Variants in TSGA10 observed in about 807,000 individuals in gnomAD.
TSGA10 encodes the protein testis specific 10, also known as testis-specific gene 10 protein.
Under a neutral mutation model 96.6 loss-of-function variants are expected in TSGA10, and 43 were observed. That is an observed-to-expected ratio of 0.44 (90% confidence interval 0.35 to 0.57). TSGA10 has a LOEUF of 0.57. Among genes scored for constraint, TSGA10 ranks in the 20% least tolerant of loss-of-function variants. The probability of loss-of-function intolerance (pLI) is 0.01; values close to 1 mark genes in which losing one functional copy is unlikely to be tolerated. For synonymous variants in TSGA10, 229 were observed against 269.9 expected, an observed-to-expected ratio of 0.85 and a Z score of 1.48; for missense variants, 703 against 834.4, an observed-to-expected ratio of 0.84 and a Z score of 1.94.
At chr2:99,025,498 G>T (rs539901445) in intron 17 of TSGA10, among the ~76,000 whole-genome samples, 4 of 152,106 alleles carry the variant, frequency 2.6e-5, no homozygotes, top group African/African-American at 9.6e-5. Flanking sequence ...TAGTAATTTG[G>T]CTCTGTCACT....
intron 20 of TSGA10, among the ~76,000 whole-genome samples, chr2:99,005,370 C>A (rs1037964771): frequency 7.9e-5 from 12 of 152,176 alleles, no homozygotes; most frequent in African/African-American, 2.9e-4. Flanking sequence ...TTGCAGAAGA[C>A]ATGATTGTAT....
intron 20 of TSGA10, among the ~76,000 whole-genome samples, chr2:99,009,941 T>C (rs2078865450): frequency 6.6e-6 from 1 of 152,206 alleles, no homozygotes; most frequent in African/African-American, 2.4e-5. Context: ...TTTTAAATAG[T>C]GAGTATGGGT....
intron 13 of TSGA10, 25 bp from the exon 14 acceptor site, chr2:99,071,899 TAAG>T: frequency 1.3e-6 from 2 of 1,578,092 alleles, no homozygotes; most frequent in Non-Finnish European, 1.7e-6. Flanking sequence ...AAAGAGTACA[TAAG>T]AAGAGACATT....
intron 17 of TSGA10, among the ~76,000 whole-genome samples, chr2:99,020,974 A>G (rs1356466905): frequency 2.0e-5 from 3 of 149,556 alleles, no homozygotes; most frequent in Non-Finnish European, 4.4e-5. Context: ...ATATAATTAT[A>G]ATTAATATAA....
chr2:99,020,695 T>C (rs2079913810), intron 17 of TSGA10, among the ~76,000 whole-genome samples: 1 of 152,106 alleles, frequency 6.6e-6, no homozygotes, highest in African/African-American at 2.4e-5. Flanking sequence ...ATCAGAAAAT[T>C]CATTAATTTA....
chr2:99,006,586 C>T (rs905735875), intron 20 of TSGA10, among the ~76,000 whole-genome samples: 28 of 152,240 alleles, frequency 1.8e-4, no homozygotes, highest in Middle Eastern at 3.4e-3. Context: ...AAATCAAAAC[C>T]ACAATGAGAT....
At chr2:99,008,554 G>A (rs139304668) in intron 20 of TSGA10, among the ~76,000 whole-genome samples, 1,731 of 152,304 alleles carry the variant, frequency 0.011, 25 homozygotes, top group African/African-American at 0.028. Context: ...TATTAGTGAC[G>A]CTGTGGGGAA....
rs1399829698 is a variant in TSGA10, at chr2:98,998,042, A to G, written c.*155T>C. 1 of 689,372 alleles carries G rather than the reference A, an allele frequency of 1.5e-6. No homozygotes were observed. Among genetic ancestry groups the G allele is most frequent in the Middle Eastern group, 3.9e-4 (1 of 2,572 alleles). The allele number at this position is 689,372 out of a possible 1,614,324, so 42.7% of individuals were successfully genotyped here. ...ATAAGTCATCTCAGATCACTGCAAC[A>G]TGGCACATTAGAACAGAGATTCAGA... On this transcript the variant is annotated 3_prime_UTR_variant, in exon 21 of 21. Coordinates refer to ENST00000393483, the MANE Select transcript of TSGA10 (RefSeq NM_025244.4).
At chr2:99,002,023 A>G (rs1477899637) in intron 20 of TSGA10, among the ~76,000 whole-genome samples, 1 of 152,218 alleles carries the variant, frequency 6.6e-6, no homozygotes, top group Non-Finnish European at 1.5e-5. Context: ...GTGTACCTGA[A>G]AGTGACGGGG....
chr2:99,034,105 G>T (rs1429428368), intron 17 of TSGA10, among the ~76,000 whole-genome samples: 1 of 152,146 alleles, frequency 6.6e-6, no homozygotes, highest in African/African-American at 2.4e-5. Context: ...GCTAGAAGAG[G>T]ATCAACTGCT....
intron 10 of TSGA10, among the ~76,000 whole-genome samples, chr2:99,084,137 T>C (rs896727518): frequency 6.6e-6 from 1 of 152,212 alleles, no homozygotes; most frequent in African/African-American, 2.4e-5. Context: ...ATTATGCCAA[T>C]TAAATTAAAA....
intron 1 of TSGA10, among the ~76,000 whole-genome samples, chr2:99,154,001 C>T (rs536673854): frequency 6.6e-6 from 1 of 152,334 alleles, no homozygotes; most frequent in South Asian, 2.1e-4. Context: ...CATTACCCCA[C>T]GCCTTAACTC....
chr2:99,017,548 G>A (rs2079617156), intron 20 of TSGA10, among the ~76,000 whole-genome samples: 1 of 151,978 alleles, frequency 6.6e-6, no homozygotes, highest in South Asian at 2.1e-4. Context: ...GGCGGATCAC[G>A]AGGTCAGGAG....
At chr2:99,104,919 A>G (rs2104809117) in intron 9 of TSGA10, among the ~76,000 whole-genome samples, 1 of 152,356 alleles carries the variant, frequency 6.6e-6, no homozygotes, top group African/African-American at 2.4e-5. Context: ...GCAATATCAA[A>G]TCTGATTAGG....
At position 99,113,762 on chromosome 2, in the gene TSGA10, G is replaced by C. The variant is rs544817399; in HGVS notation, c.-139-2847C>G. ...GGGTTTCATCATATTGGTCAGGCTG[G>C]TCTTGAACTCCTGACCTGAAGTGAT... is the stretch of plus-strand genomic sequence containing the variant. On this transcript the variant is annotated intron_variant, in intron 4 of 20. Transcript: ENST00000393483. Among the ~76,000 whole-genome samples the C allele has an allele frequency of 2.2e-4, 34 of 151,878 alleles. No individual in the cohort carries two copies. The South Asian group carries it at 6.9e-3, about 31-fold the overall frequency.
intron 1 of TSGA10, among the ~76,000 whole-genome samples, chr2:99,129,807 GC>G (rs2092993766): frequency 6.6e-6 from 1 of 152,038 alleles, no homozygotes; most frequent in Non-Finnish European, 1.5e-5. Flanking sequence ...TCCCTGACAG[GC>G]CCTGGTATAT....
At chr2:99,001,869 T>C (rs546391649) in intron 20 of TSGA10, among the ~76,000 whole-genome samples, 61 of 151,842 alleles carry the variant, frequency 4.0e-4, no homozygotes, top group South Asian at 1.0e-3. Flanking sequence ...TTCAATCAAG[T>C]GGAAGAAAAG....
At chr2:99,144,181 C>T (rs1354295674) in intron 1 of TSGA10, among the ~76,000 whole-genome samples, 3 of 152,026 alleles carry the variant, frequency 2.0e-5, no homozygotes, top group African/African-American at 4.8e-5. Flanking sequence ...CCACCACGCC[C>T]GGCTAATTTT....
At chr2:99,147,320 C>G (rs1169986835) in intron 1 of TSGA10, 14 of 769,352 alleles carry the variant, frequency 1.8e-5, no homozygotes, top group Middle Eastern at 3.4e-4. Context: ...ATCTTAATAT[C>G]TAGTAAAGAA....
Sources: gnomAD v4.1 joint callset for allele counts (sites outside exome capture counted in the v4.1 genomes callset) on GRCh38, gnomAD v4.1.1 for gene constraint, MANE v1.5 for transcripts, NCBI Gene and HGNC (gene_info 2026-07-23, HGNC 2026-07-21) for gene names.